GNL3L: variants seen among roughly 807,000 people sequenced by gnomAD.
GNL3L encodes the protein guanine nucleotide-binding protein-like 3-like protein.
In GNL3L, 4 loss-of-function variants were observed where a neutral mutation model predicts 42.9. The ratio of observed to expected loss-of-function variants is 0.09; its 90% CI spans 0.05 to 0.21. The LOEUF (loss-of-function observed/expected upper bound fraction) is 0.21, where lower values mean the gene tolerates loss of function less well. Ranked by LOEUF, GNL3L falls within the 10% of genes least tolerant of loss-of-function variation. The pLI, the probability that GNL3L is intolerant of heterozygous loss-of-function variation, is 1.00. For synonymous variants in GNL3L, 159 were observed against 176.3 expected (o/e 0.90, Z 0.78); for missense variants, 412 against 481.7 (o/e 0.86, Z 1.36).
At chrX:54,593,760 G>A (rs1925897502) in intron 16 of GNL3L, among the ~76,000 whole-genome samples, 1 of 110,358 alleles carries the variant, frequency 9.1e-6, no homozygotes, top group South Asian at 3.8e-4. Flanking sequence ...CTCTTAGCAC[G>A]GCTTTTGCTC....
chrX:54,627,448 A>G, the GNL3L span, among the ~76,000 whole-genome samples: 2 of 109,621 alleles, frequency 1.8e-5, no homozygotes, highest in Non-Finnish European at 3.8e-5. Context: ...TTATCTTTTC[A>G]AAAAACCAAC....
At chrX:54,611,035 G>A (rs1422064577) in intron 16 of GNL3L, among the ~76,000 whole-genome samples, 1 of 110,897 alleles carries the variant, frequency 9.0e-6, no homozygotes, top group Non-Finnish European at 1.9e-5. Context: ...CTTGTTATTG[G>A]TCTGTTCAGG....
intron 1 of GNL3L, among the ~76,000 whole-genome samples, chrX:54,532,061 A>T (rs1431246579): frequency 1.8e-5 from 2 of 110,890 alleles, no homozygotes; most frequent in East Asian, 5.7e-4. Flanking sequence ...CACCTCTCCC[A>T]GGGTAGATGA....
chrX:54,560,878 TAAAAATACAA>T lies in GNL3L; in HGVS notation c.*283_*292del, dbSNP rs928918075. The stretch of plus-strand genomic sequence containing the variant: ...CAACATGGTGAAACCCCGTCTCTAC[TAAAAATACAA>T]AAAAATTTAGCCGTGCTTAGTGGCA... On this transcript the variant is annotated 3_prime_UTR_variant, in exon 16 of 16. Coordinates refer to ENST00000360845, the MANE Select transcript of GNL3L (RefSeq NM_001184819.2). The T allele has an allele frequency of 5.9e-6, 1 of 168,780 alleles. No individual in the cohort carries two copies. Among genetic ancestry groups the T allele is most frequent in the Non-Finnish European group, 1.1e-5 (1 of 89,746 alleles). 13.9% of individuals were successfully genotyped at this position (168,780 alleles called of 1,213,427 possible). A position where few individuals can be genotyped will look rare whatever the true frequency, so the allele number is the denominator to read the frequency against.
downstream of GNL3L, among the ~76,000 whole-genome samples, chrX:54,623,738 ATTCTTGGTTATTTTATTCTTT>A (rs767471714): frequency 9.0e-6 from 1 of 111,137 alleles, no homozygotes; most frequent in Non-Finnish European, 1.9e-5. Context: ...GGCCAAATTT[ATTCTTGGTTATTTTATTCTTT>A]TAGATGGTGT....
chrX:54,606,535 G>A (rs771828218), intron 16 of GNL3L, among the ~76,000 whole-genome samples: 1 of 110,675 alleles, frequency 9.0e-6, no homozygotes, highest in South Asian at 3.8e-4. Context: ...GAATGCAGTG[G>A]TGCAATCATA....
At chrX:54,531,277 T>A (rs1478888992) in intron 1 of GNL3L, among the ~76,000 whole-genome samples, 1 of 101,983 alleles carries the variant, frequency 9.8e-6, no homozygotes, top group Non-Finnish European at 2.0e-5. Flanking sequence ...AGATTTAGAA[T>A]CACTAAATGT....
chrX:54,533,223 A>G (rs1020582153), intron 2 of GNL3L, among the ~76,000 whole-genome samples: 2 of 110,035 alleles, frequency 1.8e-5, no homozygotes, highest in Non-Finnish European at 3.8e-5. Context: ...CATAAGTTGT[A>G]CTAGTGATTA....
chrX:54,587,920 A>C (rs2147518912), intron 16 of GNL3L, among the ~76,000 whole-genome samples: 1 of 111,568 alleles, frequency 9.0e-6, no homozygotes, highest in African/African-American at 3.3e-5. Context: ...ACCTCAGGTG[A>C]TCCTTCTGCC....
chrX:54,641,390 T>G, the GNL3L span, among the ~76,000 whole-genome samples: 45 of 111,285 alleles, frequency 4.0e-4, no homozygotes, highest in African/African-American at 1.2e-3. Context: ...GGTGAAAAAG[T>G]TTGGGAACCT....
intron 2 of GNL3L, among the ~76,000 whole-genome samples, chrX:54,536,784 CA>C (rs767387515): frequency 1.8e-3 from 65 of 37,132 alleles, no homozygotes; most frequent in Middle Eastern, 0.025. Context: ...GACTTTGTCT[CA>C]AAAAAAAAAA....
At chrX:54,623,287 C>T (rs1002746404), downstream of GNL3L, among the ~76,000 whole-genome samples, 5 of 111,579 alleles carry the variant, frequency 4.5e-5, no homozygotes, top group Admixed American at 1.9e-4. Context: ...TCCTTTGAGA[C>T]GGAGTCTCAC....
chrX:54,576,731 A>G (rs1207371683), intron 16 of GNL3L, among the ~76,000 whole-genome samples: 4 of 111,194 alleles, frequency 3.6e-5, no homozygotes, highest in African/African-American at 1.3e-4. Flanking sequence ...CTCCCAAGGT[A>G]CTGGGATTAC....
At chrX:54,607,813 A>G (rs1433183916) in intron 16 of GNL3L, among the ~76,000 whole-genome samples, 3 of 111,845 alleles carry the variant, frequency 2.7e-5, no homozygotes, top group Non-Finnish European at 1.9e-5. Flanking sequence ...AAAAATGCCT[A>G]TTGTAACATT....
intron 16 of GNL3L, among the ~76,000 whole-genome samples, chrX:54,574,722 T>C (rs1198424683): frequency 8.9e-6 from 1 of 112,323 alleles, no homozygotes; most frequent in African/African-American, 3.2e-5. Flanking sequence ...AAATGTTTGT[T>C]ACAATTCAGC....
Position 54,566,471 on chromosome X carries a change from C to T in GNL3L, c.*5869C>T, listed in dbSNP as rs959284029. Among the ~76,000 whole-genome samples the T allele has an allele frequency of 4.1e-4, 46 of 111,719 alleles. No individual in the cohort carries two copies. Among genetic ancestry groups the T allele is most frequent in the African/African-American group, 1.5e-3 (46 of 30,724 alleles). On this transcript the variant is annotated 3_prime_UTR_variant, in exon 16 of 16. Coordinates refer to ENST00000360845, the MANE Select transcript of GNL3L (RefSeq NM_001184819.2). Reference sequence around the variant, plus strand: ...AAAACTGTACTTATTAAACAATAACCTCCCAACCCCTTCTGCCCACAACCT... The same window carrying T: ...AAAACTGTACTTATTAAACAATAACTTCCCAACCCCTTCTGCCCACAACCT...
In GNL3L at chrX:54,562,355, C is replaced by T. The variant is rs1052412925; in HGVS notation, c.*1753C>T. Among the ~76,000 whole-genome samples the T allele has an allele frequency of 6.2e-5, 7 of 112,137 alleles. No homozygotes were observed. Among genetic ancestry groups the T allele is most frequent in the Non-Finnish European group, 1.1e-4 (6 of 53,186 alleles). ...GCCACTGTGCCCAGCCTCACAGCTGCATCTTAACCTTACCTTTGCCTCTGC... is the reference window on the plus strand; with the variant it reads ...GCCACTGTGCCCAGCCTCACAGCTGTATCTTAACCTTACCTTTGCCTCTGC... On this transcript the variant is annotated 3_prime_UTR_variant, in exon 16 of 16. Transcript: ENST00000360845.
intron 14 of GNL3L, 31 bp downstream of exon 14, chrX:54,554,723 C>T (rs1253443419): frequency 8.5e-7 from 1 of 1,183,200 alleles, no homozygotes; most frequent in Non-Finnish European, 1.1e-6. Context: ...TGGCAACCCT[C>T]TTCTCTCCCC....
intron 14 of GNL3L, among the ~76,000 whole-genome samples, chrX:54,557,522 C>T (rs1925133683): frequency 9.0e-6 from 1 of 111,227 alleles, no homozygotes; most frequent in Non-Finnish European, 1.9e-5. Flanking sequence ...GCAACCTGCA[C>T]CTCCTGGGTT....
Sources: gnomAD v4.1 joint callset for allele counts (sites outside exome capture counted in the v4.1 genomes callset) on GRCh38, gnomAD v4.1.1 for gene constraint, MANE v1.5 for transcripts, NCBI Gene and HGNC (gene_info 2026-07-23, HGNC 2026-07-21) for gene names.